Variants in PLCG2 observed in about 807,000 individuals in gnomAD.
PLCG2 encodes the protein 1-phosphatidylinositol 4,5-bisphosphate phosphodiesterase gamma-2.
Under a neutral mutation model 175.6 loss-of-function variants are expected in PLCG2, and 69 were observed. That is an observed-to-expected ratio of 0.39 (90% confidence interval 0.32 to 0.48). The LOEUF (loss-of-function observed/expected upper bound fraction) is 0.48. PLCG2 is among the 20% of genes least tolerant of loss of function. PLCG2 has a pLI of 0.91. For synonymous variants in PLCG2, 827 were observed against 624.0 expected (o/e 1.33, Z -4.85); for missense variants, 1,798 against 1,650.9 (o/e 1.09, Z -1.54).
chr16:81,823,377 A>G (rs902718886), intron 2 of PLCG2, among the ~76,000 whole-genome samples: 1 of 152,194 alleles, frequency 6.6e-6, no homozygotes, highest in Non-Finnish European at 1.5e-5. Context: ...CTGTCTGGCC[A>G]GTCCCTGAAA....
intron 7 of PLCG2, among the ~76,000 whole-genome samples, chr16:81,879,682 T>A (rs1907984631): frequency 6.6e-6 from 1 of 152,188 alleles, no homozygotes; most frequent in East Asian, 1.9e-4. Context: ...TAAGTGCTTA[T>A]CCAATCGCAG....
intron 8 of PLCG2, 141 bp from the exon 9 acceptor site, chr16:81,883,128 G>C: frequency 1.5e-6 from 1 of 685,222 alleles, no homozygotes. Context: ...GTGTCTTCCT[G>C]TTGGCCAACC....
At chr16:81,886,245 C>T (rs1368457010) in intron 9 of PLCG2, among the ~76,000 whole-genome samples, 1 of 152,148 alleles carries the variant, frequency 6.6e-6, no homozygotes, top group East Asian at 1.9e-4. Flanking sequence ...TGCTGGGCTG[C>T]CCTTAGAGAT....
At chr16:81,950,472 T>C (rs1911322856) in intron 31 of PLCG2, among the ~76,000 whole-genome samples, 1 of 152,178 alleles carries the variant, frequency 6.6e-6, no homozygotes, top group African/African-American at 2.4e-5. Context: ...TCTTTCAGAA[T>C]TTGGAAAGTC....
intron 19 of PLCG2, among the ~76,000 whole-genome samples, chr16:81,916,972 A>T (rs894757154): frequency 4.6e-5 from 7 of 152,152 alleles, no homozygotes; most frequent in African/African-American, 1.7e-4. Flanking sequence ...CCTATGCTGT[A>T]CCATAGATCT....
Position 81,923,606 on chromosome 16 carries a change from T to C in PLCG2, c.2417+12T>C. ...GAGCCCGGGGGCTGGTAAGGCTGAG[T>C]GGAGGCTGGGCTGCTCGGCAGGTGG... is the stretch of plus-strand genomic sequence containing the variant. On this transcript the variant is annotated intron_variant, in intron 22 of 32. Coordinates refer to ENST00000564138, the MANE Select transcript of PLCG2 (RefSeq NM_002661.5). The C allele has an allele frequency of 3.3e-6, 5 of 1,536,866 alleles. No homozygotes were observed. Among genetic ancestry groups the C allele is most frequent in the Non-Finnish European group, 4.5e-6 (5 of 1,110,556 alleles).
intron 7 of PLCG2, among the ~76,000 whole-genome samples, chr16:81,878,810 C>A (rs764322138): frequency 1.3e-5 from 2 of 152,174 alleles, no homozygotes; most frequent in Non-Finnish European, 2.9e-5. Context: ...CTTATCTTGC[C>A]TCTCACTGTT....
chr16:81,934,394 G>C (rs377698876), intron 25 of PLCG2, 35 bp from the exon 26 acceptor site: 3 of 1,328,308 alleles, frequency 2.3e-6, no homozygotes, highest in South Asian at 2.4e-5. Flanking sequence ...GGGATTTCTC[G>C]GGGGCGGGCA....
intron 2 of PLCG2, among the ~76,000 whole-genome samples, chr16:81,761,165 G>T (rs981167773): frequency 6.6e-6 from 1 of 152,094 alleles, no homozygotes; most frequent in African/African-American, 2.4e-5. Flanking sequence ...CCAAACTGCT[G>T]GCCTTACAGG....
In PLCG2 at chr16:81,803,264, G is replaced by A. The variant is rs182661752; in HGVS notation, c.193+17082G>A. Among the ~76,000 whole-genome samples the A allele has an allele frequency of 2.3e-3, 355 of 151,966 alleles. 1 individual carries two copies. The highest frequency in any genetic ancestry group is 8.2e-3 in the African/African-American group (341 of 41,468). ...CTCCTGAGTAGCTGGGACTACAGGT[G>A]CCCACCACCACGCCTGTCTAATTTT... On this transcript the variant is annotated intron_variant, in intron 2 of 32. Coordinates refer to ENST00000564138, the MANE Select transcript of PLCG2 (RefSeq NM_002661.5).
intron 2 of PLCG2, among the ~76,000 whole-genome samples, chr16:81,837,280 G>A (rs758619811): frequency 6.6e-6 from 1 of 152,218 alleles, no homozygotes; most frequent in Non-Finnish European, 1.5e-5. Context: ...CCAGTTCTCA[G>A]ACTACCTCAA....
At chr16:81,930,311 A>AAAAGAAAGGAAAATCTTT (rs1327715480) in intron 24 of PLCG2, among the ~76,000 whole-genome samples, 7 of 152,222 alleles carry the variant, frequency 4.6e-5, no homozygotes, top group Admixed American at 1.3e-4. Flanking sequence ...TCTCTGTAAG[A>AAAAGAAAGGAAAATCTTT]TCCTTTCTCT....
At chr16:81,894,827 C>T (rs568408440) in intron 12 of PLCG2, among the ~76,000 whole-genome samples, 5 of 150,278 alleles carry the variant, frequency 3.3e-5, no homozygotes, top group East Asian at 4.0e-4. Context: ...AAGCTGAGAT[C>T]GCGCCGCTGC....
intron 2 of PLCG2, among the ~76,000 whole-genome samples, chr16:81,809,869 A>G (rs1238221015): frequency 1.3e-5 from 2 of 151,768 alleles, no homozygotes; most frequent in African/African-American, 2.4e-5. Flanking sequence ...GCAAAAAAAG[A>G]GAATTTACTG....
chr16:81,912,129 C>T (rs567951605), intron 18 of PLCG2, among the ~76,000 whole-genome samples: 20 of 151,582 alleles, frequency 1.3e-4, no homozygotes, highest in South Asian at 2.1e-4. Context: ...GACAGAGTTT[C>T]GCCATGTTGG....
At chr16:81,860,151 A>G (rs549248921) in intron 5 of PLCG2, among the ~76,000 whole-genome samples, 23 of 94,652 alleles carry the variant, frequency 2.4e-4, no homozygotes, top group South Asian at 2.4e-3. Flanking sequence ...TACTATTATT[A>G]TTATTATTAT....
chr16:81,880,423 GAT>G (rs1908021873), intron 7 of PLCG2, among the ~76,000 whole-genome samples: 1 of 152,178 alleles, frequency 6.6e-6, no homozygotes, highest in African/African-American at 2.4e-5. Flanking sequence ...AGTGGGCAAA[GAT>G]AGAGAAATAG....
At chr16:81,930,782 T>G (rs548962325) in intron 24 of PLCG2, among the ~76,000 whole-genome samples, 1 of 151,490 alleles carries the variant, frequency 6.6e-6, no homozygotes, top group East Asian at 1.9e-4. Context: ...AATTATTTAT[T>G]CTTTATATGT....
chr16:81,793,446 T>TTG (rs1229071214), intron 2 of PLCG2, among the ~76,000 whole-genome samples: 1 of 152,186 alleles, frequency 6.6e-6, no homozygotes, highest in Non-Finnish European at 1.5e-5. Flanking sequence ...TGCCACCTGT[T>TTG]TGTGGGTCTG....
Sources: allele counts gnomAD v4.1 joint callset (sites outside exome capture counted in the v4.1 genomes callset), GRCh38; gene constraint gnomAD v4.1.1; transcripts MANE v1.5; gene names NCBI Gene and HGNC (gene_info 2026-07-23, HGNC 2026-07-21).